Variants in LARGE1 observed in about 807,000 individuals in gnomAD.
LARGE1 encodes xylosyl- and glucuronyltransferase LARGE1.
Under a neutral mutation model 87.6 loss-of-function variants are expected in LARGE1, and 43 were observed. The observed-to-expected ratio is 0.49, with a 90% confidence interval of 0.38 to 0.63. The LOEUF is 0.63. Among genes scored for constraint, LARGE1 ranks in the 30% least tolerant of loss-of-function variants. The pLI is 0.00. For synonymous variants in LARGE1, 434 were observed against 394.6 expected (o/e 1.10, Z -1.18); for missense variants, 802 against 1,000.2 (o/e 0.80, Z 2.67).
chr22:33,162,451 C>T (rs1922062419), exon 12 of LARGE1: 2 of 152,184 alleles, frequency 1.3e-5, no homozygotes, highest in South Asian at 2.1e-4. Flanking sequence ...AATTACCTCC[C>T]ACCAGGTCCC....
At chr22:33,693,087 T>A (rs1312969027) in intron 2 of LARGE1, among the ~76,000 whole-genome samples, 1 of 152,084 alleles carries the variant, frequency 6.6e-6, no homozygotes, top group African/African-American at 2.4e-5. Context: ...CAAAATCACC[T>A]CCTCTGCAGC....
At chr22:33,483,217 G>A (rs889587958) in intron 6 of LARGE1, among the ~76,000 whole-genome samples, 3 of 152,094 alleles carry the variant, frequency 2.0e-5, no homozygotes, top group African/African-American at 7.2e-5. Context: ...CCGGAGGCTC[G>A]GCAGACAGGC....
At chr22:33,903,830 A>T (rs1311295895) in intron 1 of LARGE1, among the ~76,000 whole-genome samples, 1 of 152,170 alleles carries the variant, frequency 6.6e-6, no homozygotes, top group African/African-American at 2.4e-5. Context: ...TCTCCAAAAA[A>T]CAAAACAAAA....
At chr22:33,191,094 C>T (rs1773938178) in intron 11 of LARGE1, among the ~76,000 whole-genome samples, 1 of 152,166 alleles carries the variant, frequency 6.6e-6, no homozygotes, top group Non-Finnish European at 1.5e-5. Context: ...CAGTGTGTAG[C>T]ATAGTTGACA....
intron 11 of LARGE1, among the ~76,000 whole-genome samples, chr22:33,313,684 A>G (rs968221497): frequency 6.6e-6 from 1 of 152,126 alleles, no homozygotes; most frequent in African/African-American, 2.4e-5. Flanking sequence ...TGAGGGGGAC[A>G]CCCATCAACA....
intron 5 of LARGE1, among the ~76,000 whole-genome samples, chr22:33,597,915 A>G (rs1173567080): frequency 6.6e-6 from 1 of 152,204 alleles, no homozygotes; most frequent in Non-Finnish European, 1.5e-5. Flanking sequence ...AGTTTAGAAC[A>G]GGATCCTTGG....
intron 6 of LARGE1, among the ~76,000 whole-genome samples, chr22:33,434,491 G>A (rs1370784539): frequency 6.6e-6 from 1 of 152,108 alleles, no homozygotes; most frequent in Non-Finnish European, 1.5e-5. Context: ...AGTAGAGACG[G>A]GGTTTCACCG....
At chr22:33,731,678 C>G (rs763016224) in intron 2 of LARGE1, among the ~76,000 whole-genome samples, 2 of 152,156 alleles carry the variant, frequency 1.3e-5, no homozygotes, top group African/African-American at 2.4e-5. Flanking sequence ...GTATCGTAGA[C>G]TTCGAAGTTT....
intron 6 of LARGE1, among the ~76,000 whole-genome samples, chr22:33,502,706 C>CT (rs2148380298): frequency 6.6e-6 from 1 of 152,096 alleles, no homozygotes; most frequent in South Asian, 2.1e-4. Flanking sequence ...GTAGCTGGGA[C>CT]TACAGGCGCC....
At chr22:33,355,377 T>G (rs919782222) in intron 9 of LARGE1, among the ~76,000 whole-genome samples, 1 of 152,230 alleles carries the variant, frequency 6.6e-6, no homozygotes, top group Non-Finnish European at 1.5e-5. Flanking sequence ...TCAACTTCAC[T>G]AAGTGTCTTC....
intron 9 of LARGE1, among the ~76,000 whole-genome samples, chr22:33,359,629 T>A (rs1458189634): frequency 6.8e-6 from 1 of 147,788 alleles, no homozygotes; most frequent in Non-Finnish European, 1.5e-5. Context: ...AGTGGCGCGA[T>A]CTTGGCTCAC....
At chr22:33,356,347 C>T (rs1028208517) in intron 9 of LARGE1, among the ~76,000 whole-genome samples, 1 of 152,226 alleles carries the variant, frequency 6.6e-6, no homozygotes, top group Non-Finnish European at 1.5e-5. Context: ...GTCTGCTTAG[C>T]CTGCCATTCT....
At chr22:33,772,306 C>G (rs2085095844) in intron 1 of LARGE1, among the ~76,000 whole-genome samples, 1 of 151,152 alleles carries the variant, frequency 6.6e-6, no homozygotes, top group South Asian at 2.1e-4. Flanking sequence ...ACACTCCAGC[C>G]TGGGCAACAG....
chr22:33,442,844 G>A (rs1404257701), intron 6 of LARGE1, among the ~76,000 whole-genome samples: 7 of 150,878 alleles, frequency 4.6e-5, no homozygotes, highest in Non-Finnish European at 1.5e-5. Context: ...CCAGGCTGGA[G>A]TGCAGTGGCA....
At chr22:33,357,560 T>G (rs1941009750) in intron 9 of LARGE1, among the ~76,000 whole-genome samples, 1 of 152,042 alleles carries the variant, frequency 6.6e-6, no homozygotes. Context: ...TTTGGGAGGC[T>G]GAGTCAGGCA....
chr22:33,477,266 A>C (rs2069119866), intron 6 of LARGE1, among the ~76,000 whole-genome samples: 3 of 152,234 alleles, frequency 2.0e-5, no homozygotes, highest in African/African-American at 7.2e-5. Flanking sequence ...AAGCAAGGCC[A>C]GGCCAACGGG....
intron 11 of LARGE1, among the ~76,000 whole-genome samples, chr22:33,235,530 A>C (rs1926209473): frequency 6.6e-6 from 1 of 152,222 alleles, no homozygotes; most frequent in Admixed American, 6.5e-5. Context: ...GGCTGTAGTC[A>C]CATGAAAGCT....
chr22:33,743,490 T>G (rs1259146616), intron 2 of LARGE1, among the ~76,000 whole-genome samples: 1 of 152,130 alleles, frequency 6.6e-6, no homozygotes, highest in Non-Finnish European at 1.5e-5. Context: ...CTAAAACCTC[T>G]ACCTCCAAAA....
intron 1 of LARGE1, among the ~76,000 whole-genome samples, chr22:33,836,527 C>T (rs1408719132): frequency 6.6e-6 from 1 of 152,114 alleles, no homozygotes; most frequent in South Asian, 2.1e-4. Flanking sequence ...AGACCAGGCC[C>T]GATCTCACTT....
Sources: gnomAD v4.1 joint callset for allele counts (sites outside exome capture counted in the v4.1 genomes callset) on GRCh38, gnomAD v4.1.1 for gene constraint, MANE v1.5 for transcripts, NCBI Gene and HGNC (gene_info 2026-07-23, HGNC 2026-07-21) for gene names.